The following ADRA1D variants were observed in gnomAD, a reference collection of about 807,000 sequenced individuals.
ADRA1D encodes adrenoceptor alpha 1D, also known as alpha-1D adrenergic receptor.
ADRA1D carries 22 observed loss-of-function variants against 18.6 expected under a neutral mutation model. The ratio of observed to expected loss-of-function variants is 1.19; its 90% confidence interval spans 0.85 to 1.69. The LOEUF is 1.69. Ranked by LOEUF, ADRA1D falls within the 40% of genes most tolerant of loss-of-function variation. ADRA1D has a pLI of 0.00. For missense variants in ADRA1D, 840 were observed against 840.7 expected (o/e 1.00, Z 0.01); for synonymous variants, 376 against 388.2 (o/e 0.97, Z 0.37).
Position 4,248,028 on chromosome 20 carries a change from G to A in ADRA1D, c.930C>T (p.Gly310=), listed in dbSNP as rs200243185. ...SEVVLRIHCR[G]AATGADGAHG... ...GCGCCCCGTCGGCGCCCGTGGCCGC[G>A]CCGCGACAGTGGATGCGCAGCACCA... is the stretch of plus-strand genomic sequence containing the variant. Residue 310 remains glycine (G), a synonymous_variant, in exon 1 of 2, where the codon GGC becomes GGT. Transcript: ENST00000379453. 7.5e-5 allele frequency: 116 copies of A among 1,553,238 alleles called. No homozygotes were observed. In the African/African-American group the frequency reaches 1.4e-3, roughly 18 times the overall value.
chr20:4,232,537 C>G (rs1980995092), intron 1 of ADRA1D, among the ~76,000 whole-genome samples: 1 of 152,196 alleles, frequency 6.6e-6, no homozygotes, highest in Non-Finnish European at 1.5e-5. Context: ...TGGGGTGGGG[C>G]TTGCTAGCTG....
intron 1 of ADRA1D, among the ~76,000 whole-genome samples, chr20:4,233,813 C>T (rs1330190650): frequency 6.6e-6 from 1 of 152,086 alleles, no homozygotes; most frequent in Non-Finnish European, 1.5e-5. Context: ...GTGAGTGTGG[C>T]TGCATGAACC....
chr20:4,231,038 T>TCTTCTTTCTTTCTTTCTTTCTTTC (rs1555821018), intron 1 of ADRA1D, among the ~76,000 whole-genome samples: 1 of 108,526 alleles, frequency 9.2e-6, no homozygotes, highest in Non-Finnish European at 1.8e-5. Flanking sequence ...CTTTCTTTCT[T>TCTTCTTTCTTTCTTTCTTTCTTTC]TTTCTTTCTT....
Position 4,222,238 on chromosome 20 carries a change from T to C in ADRA1D, c.1112-108A>G. On this transcript the variant is annotated intron_variant, in intron 1 of 1. Coordinates refer to ENST00000379453, the MANE Select transcript of ADRA1D (RefSeq NM_000678.4). This position sits in a 1 kb window ranked among gnomAD's most constrained non-coding sequence, Gnocchi z 4.3. ...CAGTAGCCTTGGCTGAGTCATTGACTAGGAGTTCTCAAGGGATCCGTGCTG... is the reference window on the plus strand; with the variant it reads ...CAGTAGCCTTGGCTGAGTCATTGACCAGGAGTTCTCAAGGGATCCGTGCTG... The C allele has an allele frequency of 6.9e-7, 1 of 1,453,184 alleles. No individual in the cohort carries two copies. The highest frequency in any genetic ancestry group is 9.1e-7 in the Non-Finnish European group (1 of 1,096,888). 90.0% of individuals were successfully genotyped at this position (1,453,184 alleles called of 1,614,324 possible).
Position 4,248,829 on chromosome 20 carries a change from C to T in ADRA1D, c.129G>A (p.Val43=). The T allele has an allele frequency of 9.8e-7, 1 of 1,024,844 alleles. No individual in the cohort carries two copies. The highest frequency in any genetic ancestry group is 1.2e-6 in the Non-Finnish European group (1 of 858,018). 63.5% of individuals were successfully genotyped at this position (1,024,844 alleles called of 1,614,324 possible). A position where few individuals can be genotyped will look rare whatever the true frequency, so the allele number is the denominator to read the frequency against. The change falls in exon 1 of 2, where the codon GTG becomes GTA. Residue 43 remains valine, a synonymous_variant. Coordinates refer to ENST00000379453, the MANE Select transcript of ADRA1D (RefSeq NM_000678.4). ...CGCCCGCGCCCCCCGGCACGCCGCC[C>T]ACCGCCGGGCCCTCCGAGGGGGCCG... ...GGAAPSEGPA[V]GGVPGGAGGG... is the part of the protein sequence containing the mutation.
chr20:4,232,111 G>A (rs1381810358), intron 1 of ADRA1D, among the ~76,000 whole-genome samples: 2 of 152,106 alleles, frequency 1.3e-5, no homozygotes, highest in African/African-American at 4.8e-5. Flanking sequence ...ACGGGGCTTC[G>A]CCATGTTGGC....
chr20:4,236,399 C>G (rs115957011), intron 1 of ADRA1D, among the ~76,000 whole-genome samples: 175 of 152,228 alleles, frequency 1.1e-3, no homozygotes, highest in African/African-American at 3.8e-3. Context: ...ACAGAACAGA[C>G]TGAGGGATGT....
In ADRA1D at chr20:4,221,873, G is replaced by A. The variant is rs1182221452; in HGVS notation, c.1369C>T (p.Pro457Ser). The A allele has an allele frequency of 2.3e-5, 33 of 1,465,978 alleles. No individual in the cohort carries two copies. In the East Asian group the frequency reaches 8.6e-4, roughly 38 times the overall value. The allele number at this position is 1,465,978 out of a possible 1,614,324, so 90.8% of individuals were successfully genotyped here. ...GTGAGGGCCAGCGGCGCTCCGGGGGGCGCGTCGCCCGAACTCGGGGCGCAG... is the reference window on the plus strand; with the variant it reads ...GTGAGGGCCAGCGGCGCTCCGGGGGACGCGTCGCCCGAACTCGGGGCGCAG... ...QDCAPSSGDAPPGAPLALTAL... is the reference protein window; with the variant it reads ...QDCAPSSGDASPGAPLALTAL... The change falls in exon 2 of 2, where the codon CCC becomes TCC. Residue 457 changes from proline (P) to serine (S), a missense_variant. Pro to Ser is a moderately conservative substitution (Grantham distance 74). Coordinates refer to ENST00000379453, the MANE Select transcript of ADRA1D (RefSeq NM_000678.4).
At position 4,222,369 on chromosome 20, in the gene ADRA1D, G is replaced by C; in HGVS notation, c.1112-239C>G. On this transcript the variant is annotated intron_variant, in intron 1 of 1. Coordinates refer to ENST00000379453, the MANE Select transcript of ADRA1D (RefSeq NM_000678.4). This position sits in a 1 kb window ranked among gnomAD's most constrained non-coding sequence, Gnocchi z 4.3. ...TTCAATGAATGTAGGCAACAAACCA[G>C]AGTAGAGTTAGACAAAACCACGTGC... is the stretch of plus-strand genomic sequence containing the variant. 1 of 469,842 alleles carries C rather than the reference G, an allele frequency of 2.1e-6. No homozygotes were observed. The allele number at this position is 469,842 out of a possible 1,614,324, so 29.1% of individuals were successfully genotyped here. A position where few individuals can be genotyped will look rare whatever the true frequency, so the allele number is the denominator to read the frequency against.
chr20:4,240,445 C>G (rs1439786637), intron 1 of ADRA1D, among the ~76,000 whole-genome samples: 1 of 143,880 alleles, frequency 7.0e-6, no homozygotes, highest in Non-Finnish European at 1.5e-5. Context: ...TCTTCTAGAA[C>G]TATATATTGA....
intron 1 of ADRA1D, among the ~76,000 whole-genome samples, chr20:4,242,265 C>G (rs529865255): frequency 6.6e-6 from 1 of 152,136 alleles, no homozygotes; most frequent in Non-Finnish European, 1.5e-5. Context: ...TTCCTTGTAC[C>G]GTGGTCCAGT....
At chr20:4,245,529 A>G (rs1183873058) in intron 1 of ADRA1D, among the ~76,000 whole-genome samples, 2 of 152,164 alleles carry the variant, frequency 1.3e-5, no homozygotes, top group Non-Finnish European at 2.9e-5. Flanking sequence ...TGAGGCAAAT[A>G]TGGCAAAATG....
rs6133096 is a variant in ADRA1D, at chr20:4,222,484, T to A, written c.1112-354A>T. On this transcript the variant is annotated intron_variant, in intron 1 of 1. Coordinates refer to ENST00000379453, the MANE Select transcript of ADRA1D (RefSeq NM_000678.4). The surrounding 1 kb of genome is among the most constrained non-coding windows in gnomAD (Gnocchi z 4.3). ...GCAAACATAGCCATGTTTGCTCATT[T>A]CTGCGTGCCAGCATAATTTCACAAA... The A allele has an allele frequency of 0.33, 57,140 of 172,072 alleles. 10,256 individuals are homozygous for A. The highest frequency in any genetic ancestry group is 0.47 in the South Asian group (2,751 of 5,846). 10.7% of individuals were successfully genotyped at this position (172,072 alleles called of 1,614,324 possible).
At chr20:4,237,873 G>C (rs1444237009) in intron 1 of ADRA1D, among the ~76,000 whole-genome samples, 2 of 106,938 alleles carry the variant, frequency 1.9e-5, no homozygotes, top group Non-Finnish European at 4.1e-5. Flanking sequence ...GTAGAGACGG[G>C]GTTTCACCAT....
intron 1 of ADRA1D, among the ~76,000 whole-genome samples, chr20:4,225,428 C>CTTTTTTTTTTTTTTTTT (rs11474446): frequency 5.0e-5 from 6 of 119,512 alleles, no homozygotes; most frequent in Admixed American, 2.0e-4. Flanking sequence ...TTTTTTCTTT[C>CTTTTTTTTTTTTTTTTT]TTTTTTTTTT....
At chr20:4,234,170 G>A (rs1278499397) in intron 1 of ADRA1D, among the ~76,000 whole-genome samples, 1 of 152,208 alleles carries the variant, frequency 6.6e-6, no homozygotes, top group Non-Finnish European at 1.5e-5. Flanking sequence ...TCATAAGCCA[G>A]TCCATTTTCC....
chr20:4,248,334 C>G lies in ADRA1D; in HGVS notation c.624G>C (p.Met208Ile). 1 of 1,605,856 alleles carries G rather than the reference C, an allele frequency of 6.2e-7. No homozygotes were observed. Among genetic ancestry groups the G allele is most frequent in the Non-Finnish European group, 8.5e-7 (1 of 1,176,468 alleles). Residue 208 changes from methionine to isoleucine, a missense_variant, in exon 1 of 2, where the codon ATG becomes ATC. Met to Ile is a conservative substitution (Grantham distance 10). Coordinates refer to ENST00000379453, the MANE Select transcript of ADRA1D (RefSeq NM_000678.4). ...GGATGGCGGCCGCCTTGCGCTCGGT[C>G]ATGATGGCTGGGTACTTGAGTGAGT... is the stretch of plus-strand genomic sequence containing the variant. ...VRHSLKYPAI[M>I]TERKAAAILA...
At position 4,225,446 on chromosome 20, in the gene ADRA1D, A is replaced by G. The variant is rs1440567381; in HGVS notation, c.1112-3316T>C. On this transcript the variant is annotated intron_variant, in intron 1 of 1. Coordinates refer to ENST00000379453, the MANE Select transcript of ADRA1D (RefSeq NM_000678.4). Reference sequence around the variant, plus strand: ...TTTCTTTCTTTTTTTTTTTTTTTTGAGACAGGGTTTCTCTCCCATCACCCA... The same window carrying G: ...TTTCTTTCTTTTTTTTTTTTTTTTGGGACAGGGTTTCTCTCCCATCACCCA... Among the ~76,000 whole-genome samples the G allele has an allele frequency of 6.7e-3, 109 of 16,206 alleles. 1 individual carries two copies. The highest frequency in any genetic ancestry group is 0.026 in the African/African-American group (105 of 4,050). 10.6% of individuals were successfully genotyped at this position (16,206 alleles called of 152,430 possible). A position where few individuals can be genotyped will look rare whatever the true frequency, so the allele number is the denominator to read the frequency against.
rs761298482 is a variant in ADRA1D at position 4,248,030 on chromosome 20, C to A, written c.928G>T (p.Gly310Cys). The A allele has an allele frequency of 6.4e-7, 1 of 1,553,050 alleles. No individual in the cohort carries two copies. Among genetic ancestry groups the A allele is most frequent in the Admixed American group, 2.0e-5 (1 of 50,920 alleles). Reference sequence around the variant, plus strand: ...GCCCCGTCGGCGCCCGTGGCCGCGCCGCGACAGTGGATGCGCAGCACCACC... The same window carrying A: ...GCCCCGTCGGCGCCCGTGGCCGCGCAGCGACAGTGGATGCGCAGCACCACC... The part of the protein sequence containing the change: ...SEVVLRIHCR[G>C]AATGADGAHG... Residue 310 changes from glycine (G) to cysteine (C), a missense_variant, in exon 1 of 2, where the codon GGC (glycine) becomes TGC (cysteine). Physicochemically the swap from Gly to Cys is radical, Grantham distance 159. Transcript: ENST00000379453.
Sources: gnomAD v4.1 joint callset for allele counts (sites outside exome capture counted in the v4.1 genomes callset) on GRCh38, gnomAD v4.1.1 for gene constraint, Gnocchi (gnomAD v3.1) non-coding constraint, MANE v1.5 for transcripts, NCBI Gene and HGNC (gene_info 2026-07-23, HGNC 2026-07-21) for gene names.